The following MATCAP2 variants were observed in gnomAD, a reference collection of about 807,000 sequenced individuals.
MATCAP2 encodes putative tyrosine carboxypeptidase MATCAP2.
At chr7:36,376,365 G>A in the MATCAP2 span, among the ~76,000 whole-genome samples, 1 of 152,182 alleles carries the variant, frequency 6.6e-6, no homozygotes, top group Non-Finnish European at 1.5e-5. Flanking sequence ...AGTCATTCAG[G>A]AGCAGGTTGT....
chr7:36,325,355 T>C, the MATCAP2 span: 2 of 152,146 alleles, frequency 1.3e-5, no homozygotes, highest in Non-Finnish European at 2.9e-5. Flanking sequence ...CCAGCTAGAG[T>C]ATATCCTGTT....
the MATCAP2 span, among the ~76,000 whole-genome samples, chr7:36,336,557 C>A: frequency 1.3e-5 from 2 of 152,116 alleles, no homozygotes; most frequent in East Asian, 3.9e-4. Flanking sequence ...GGCTCAAGAA[C>A]TGCGTATCTC....
the MATCAP2 span, among the ~76,000 whole-genome samples, chr7:36,338,363 T>C: frequency 6.6e-6 from 1 of 151,856 alleles, no homozygotes; most frequent in African/African-American, 2.4e-5. Context: ...AGTAGCGCGA[T>C]CATGGCTCAC....
the MATCAP2 span, among the ~76,000 whole-genome samples, chr7:36,329,585 G>C: frequency 6.6e-6 from 1 of 152,160 alleles, no homozygotes; most frequent in African/African-American, 2.4e-5. Flanking sequence ...TAAGACACAG[G>C]CACAGCCATG....
the MATCAP2 span, among the ~76,000 whole-genome samples, chr7:36,353,442 G>A: frequency 2.0e-5 from 3 of 151,456 alleles, no homozygotes; most frequent in African/African-American, 4.9e-5. Flanking sequence ...AGAATAGAGG[G>A]GTTGCCAGAA....
At chr7:36,366,875 G>T in the MATCAP2 span, 11 of 1,477,822 alleles carry the variant, frequency 7.4e-6, no homozygotes, top group Admixed American at 1.8e-4. Flanking sequence ...ACCCCGGTCC[G>T]CCCCGCACCC....
chr7:36,389,906 G>A, the MATCAP2 span: 2 of 1,574,400 alleles, frequency 1.3e-6, no homozygotes, highest in Admixed American at 1.7e-5. Flanking sequence ...CTGGTTGTGG[G>A]AGAGTTCCCC....
the MATCAP2 span, among the ~76,000 whole-genome samples, chr7:36,341,413 C>T: frequency 6.6e-6 from 1 of 152,208 alleles, no homozygotes; most frequent in Non-Finnish European, 1.5e-5. Flanking sequence ...AAGGTAGACT[C>T]CTGATTGTAA....
the MATCAP2 span, among the ~76,000 whole-genome samples, chr7:36,342,063 A>G: frequency 6.6e-6 from 1 of 152,196 alleles, no homozygotes; most frequent in Non-Finnish European, 1.5e-5. Flanking sequence ...TTCAGACAAA[A>G]TCTCACAGAA....
chr7:36,352,678 A>G, the MATCAP2 span, among the ~76,000 whole-genome samples: 1 of 151,912 alleles, frequency 6.6e-6, no homozygotes, highest in Admixed American at 6.6e-5. Flanking sequence ...CTAAAAATAC[A>G]AAAATTAGCC....
chr7:36,339,383 T>G, the MATCAP2 span, among the ~76,000 whole-genome samples: 1 of 152,238 alleles, frequency 6.6e-6, no homozygotes, highest in Non-Finnish European at 1.5e-5. Flanking sequence ...GCCTTGCTAT[T>G]CAAAGTATAG....
the MATCAP2 span, among the ~76,000 whole-genome samples, chr7:36,384,891 A>T: frequency 6.6e-6 from 1 of 152,102 alleles, no homozygotes; most frequent in East Asian, 1.9e-4. Context: ...AAGTATTGTG[A>T]TGTTAGGAGA....
the MATCAP2 span, among the ~76,000 whole-genome samples, chr7:36,330,170 C>T: frequency 2.6e-5 from 4 of 151,786 alleles, no homozygotes; most frequent in Admixed American, 1.3e-4. Context: ...ACTGCAGCCT[C>T]GACCTCCTGG....
the MATCAP2 span, among the ~76,000 whole-genome samples, chr7:36,353,433 G>GAAT: frequency 6.6e-6 from 1 of 151,204 alleles, no homozygotes; most frequent in Non-Finnish European, 1.5e-5. Flanking sequence ...CCTTGGGGGA[G>GAAT]AATAGAGGGG....
the MATCAP2 span, chr7:36,333,834 C>G: frequency 1.9e-6 from 3 of 1,548,468 alleles, no homozygotes; most frequent in Non-Finnish European, 2.6e-6. Context: ...AGTCAGAAAA[C>G]CTAGAGTTAA....
chr7:36,338,950 G>A, the MATCAP2 span, among the ~76,000 whole-genome samples: 2 of 152,270 alleles, frequency 1.3e-5, no homozygotes, highest in African/African-American at 4.8e-5. Flanking sequence ...CCCTCTTTGA[G>A]TTGTCCTATC....
the MATCAP2 span, among the ~76,000 whole-genome samples, chr7:36,372,798 A>ATG: frequency 3.3e-5 from 5 of 152,260 alleles, no homozygotes; most frequent in African/African-American, 1.2e-4. Context: ...TACTGATGGT[A>ATG]TGTACATACA....
chr7:36,342,172 T>C, the MATCAP2 span, among the ~76,000 whole-genome samples: 1 of 150,338 alleles, frequency 6.7e-6, no homozygotes, highest in East Asian at 2.1e-4. Flanking sequence ...TGTAAAACAC[T>C]ACATAGGTCT....
chr7:36,345,483 A>T, the MATCAP2 span, among the ~76,000 whole-genome samples: 3 of 152,146 alleles, frequency 2.0e-5, no homozygotes, highest in African/African-American at 7.2e-5. Flanking sequence ...TTCTCTCCTC[A>T]CCTGAATGTC....
Sources: allele counts gnomAD v4.1 joint callset (sites outside exome capture counted in the v4.1 genomes callset), GRCh38; gene constraint gnomAD v4.1.1; transcripts MANE v1.5; gene names NCBI Gene and HGNC (gene_info 2026-07-23, HGNC 2026-07-21).